The following SLC39A12 variants were observed in gnomAD, a reference collection of about 807,000 sequenced individuals.
SLC39A12 encodes zinc transporter ZIP12.
In SLC39A12, 63 loss-of-function variants were observed where a neutral mutation model predicts 71.1. The observed-to-expected ratio is 0.89, with a 90% CI of 0.72 to 1.09. The LOEUF is 1.09. Among genes scored for constraint, SLC39A12 ranks in the 50% least tolerant of loss-of-function variants. SLC39A12 has a pLI of 0.00. For synonymous variants in SLC39A12, 351 were observed against 301.3 expected, an observed-to-expected ratio of 1.16 and a Z score of -1.71; for missense variants, 892 against 812.6, an observed-to-expected ratio of 1.10 and a Z score of -1.19.
intron 1 of SLC39A12, among the ~76,000 whole-genome samples, chr10:17,952,484 C>CT (rs1834426497): frequency 7.3e-6 from 1 of 136,634 alleles, no homozygotes; most frequent in African/African-American, 2.7e-5. Flanking sequence ...TTTCTTTTTT[C>CT]TTTTTTCTTT....
intron 12 of SLC39A12, among the ~76,000 whole-genome samples, chr10:18,006,252 A>T (rs920179998): frequency 1.3e-5 from 2 of 152,236 alleles, no homozygotes; most frequent in Non-Finnish European, 2.9e-5. Context: ...GAAGAACTAG[A>T]GACATAAATG....
chr10:18,039,095 C>T (rs189709672), intron 12 of SLC39A12, among the ~76,000 whole-genome samples: 2 of 152,310 alleles, frequency 1.3e-5, no homozygotes, highest in African/African-American at 4.8e-5. Context: ...CCAGAAAACA[C>T]TTCTACTGTG....
intron 12 of SLC39A12, among the ~76,000 whole-genome samples, chr10:18,042,437 G>A (rs1008293670): frequency 2.3e-5 from 3 of 129,988 alleles, no homozygotes; most frequent in Admixed American, 8.5e-5. Context: ...CAGCCTGGGT[G>A]ACAGGGCAAA....
intron 5 of SLC39A12, among the ~76,000 whole-genome samples, chr10:17,980,523 A>C (rs1386583225): frequency 6.6e-6 from 1 of 152,162 alleles, no homozygotes; most frequent in Non-Finnish European, 1.5e-5. Context: ...TAAAACTTTT[A>C]AATTGTAATT....
At chr10:17,952,551 G>C (rs1248611706) in intron 1 of SLC39A12, among the ~76,000 whole-genome samples, 2 of 145,476 alleles carry the variant, frequency 1.4e-5, no homozygotes, top group Non-Finnish European at 3.0e-5. Flanking sequence ...GCAGTGGCAC[G>C]ATCTTGGCTC....
At chr10:18,010,230 G>A (rs1836171184) in intron 12 of SLC39A12, among the ~76,000 whole-genome samples, 1 of 152,106 alleles carries the variant, frequency 6.6e-6, no homozygotes, top group South Asian at 2.1e-4. Context: ...CCATCCAAAA[G>A]ATGAGTAAGT....
At chr10:17,982,973 G>A (rs908309510) in intron 6 of SLC39A12, among the ~76,000 whole-genome samples, 1 of 151,680 alleles carries the variant, frequency 6.6e-6, no homozygotes, top group Admixed American at 6.6e-5. Context: ...GGTGGATCAC[G>A]AGGTCAGGAG....
At chr10:17,961,893 C>A in intron 3 of SLC39A12, 31 bp downstream of exon 3, 2 of 1,593,958 alleles carry the variant, frequency 1.3e-6, no homozygotes, top group Non-Finnish European at 8.5e-7. Flanking sequence ...ACTGGCTCTG[C>A]TGCTAAGATA....
At chr10:17,958,455 C>T (rs1834604936) in intron 2 of SLC39A12, among the ~76,000 whole-genome samples, 1 of 152,186 alleles carries the variant, frequency 6.6e-6, no homozygotes, top group African/African-American at 2.4e-5. Flanking sequence ...ATCTCTTAGC[C>T]ACCTAACTGA....
At position 17,981,424 on chromosome 10, in the gene SLC39A12, G is replaced by C. The variant is rs1350695781; in HGVS notation, c.1037G>C (p.Ser346Thr). Residue 346 changes from serine (S) to threonine (T), a missense_variant, in exon 6 of 13, where the codon AGC (serine) becomes ACC (threonine). Transcript: ENST00000377369. Reference sequence around the variant, plus strand: ...CCAGGGATCATCCAGCAGCTCCTCAGCTGCTCCTGCCACTTACCCAAGGAC... The same window carrying C: ...CCAGGGATCATCCAGCAGCTCCTCACCTGCTCCTGCCACTTACCCAAGGAC... ...MSPGIIQQLLSCSCHLPKDQQ... is the reference protein window; with the variant it reads ...MSPGIIQQLLTCSCHLPKDQQ... 2 of 1,613,852 alleles carry C rather than the reference G, an allele frequency of 1.2e-6. No individual in the cohort carries two copies. Among genetic ancestry groups the C allele is most frequent in the South Asian group, 1.1e-5 (1 of 91,070 alleles).
intron 12 of SLC39A12, among the ~76,000 whole-genome samples, chr10:18,024,842 T>G (rs942785693): frequency 1.3e-5 from 2 of 152,350 alleles, no homozygotes; most frequent in East Asian, 1.9e-4. Flanking sequence ...ATTAAATCAT[T>G]TATCATTATG....
intron 12 of SLC39A12, among the ~76,000 whole-genome samples, chr10:18,006,936 T>G (rs41306336): frequency 0.11 from 16,927 of 152,202 alleles, 1,253 homozygotes; most frequent in Non-Finnish European, 0.16. Context: ...CAGCAGTGAC[T>G]GGGGTCAGAG....
chr10:18,006,177 C>T (rs953959163), intron 12 of SLC39A12, among the ~76,000 whole-genome samples: 2 of 152,146 alleles, frequency 1.3e-5, no homozygotes, highest in Non-Finnish European at 1.5e-5. Flanking sequence ...TGTGAAAAGA[C>T]TAGCTAGATC....
At chr10:18,015,544 A>G (rs1836352500) in intron 12 of SLC39A12, among the ~76,000 whole-genome samples, 1 of 152,304 alleles carries the variant, frequency 6.6e-6, no homozygotes, top group Non-Finnish European at 1.5e-5. Context: ...TGTCTTGAGT[A>G]TCAATAAGAC....
chr10:17,977,432 A>G (rs529078978), intron 4 of SLC39A12, among the ~76,000 whole-genome samples: 1 of 152,104 alleles, frequency 6.6e-6, no homozygotes, highest in East Asian at 1.9e-4. Context: ...TCTTCTTTGT[A>G]CACATTATTT....
chr10:17,964,635 G>C (rs1834775075), intron 3 of SLC39A12, among the ~76,000 whole-genome samples: 1 of 152,136 alleles, frequency 6.6e-6, no homozygotes, highest in Non-Finnish European at 1.5e-5. Context: ...ATTTGAAAAA[G>C]GTCCTGTGTC....
In SLC39A12 at chr10:17,965,718, C is replaced by G. The variant is rs372008877; in HGVS notation, c.751+28C>G. On this transcript the variant is annotated intron_variant, in intron 4 of 12. Coordinates refer to ENST00000377369, the MANE Select transcript of SLC39A12 (RefSeq NM_001145195.2). ...AAGGATGTTTTCACGAATTTAACTTCCAAGTCACACCTGCTAAATAAACTA... is the reference window on the plus strand; with the variant it reads ...AAGGATGTTTTCACGAATTTAACTTGCAAGTCACACCTGCTAAATAAACTA... The G allele has an allele frequency of 2.5e-4, 386 of 1,550,262 alleles. 2 individuals are homozygous for G. The African/African-American group carries it at 3.8e-3, about 15-fold the overall frequency.
chr10:18,017,773 G>C (rs889488040), intron 12 of SLC39A12, among the ~76,000 whole-genome samples: 5 of 152,138 alleles, frequency 3.3e-5, no homozygotes, highest in African/African-American at 1.2e-4. Context: ...GCAGTGTCTT[G>C]ATTCCTGTAA....
intron 12 of SLC39A12, among the ~76,000 whole-genome samples, chr10:18,028,793 C>A (rs930423025): frequency 2.6e-5 from 4 of 152,052 alleles, no homozygotes; most frequent in Non-Finnish European, 4.4e-5. Context: ...GATCTTGGCT[C>A]ACTGCAACCT....
Sources: gnomAD v4.1 joint callset for allele counts (sites outside exome capture counted in the v4.1 genomes callset) on GRCh38, gnomAD v4.1.1 for gene constraint, MANE v1.5 for transcripts, NCBI Gene and HGNC (gene_info 2026-07-23, HGNC 2026-07-21) for gene names.